LYPLAL1: variants seen among roughly 807,000 people sequenced by gnomAD.
LYPLAL1 encodes lysophospholipase-like protein 1.
LYPLAL1 carries 23 observed loss-of-function variants against 19.7 expected under a neutral mutation model. The observed-to-expected ratio is 1.17, with a 90% CI of 0.84 to 1.65. LYPLAL1 has a LOEUF of 1.65. LYPLAL1 is among the 40% of genes most tolerant of loss of function. LYPLAL1 has a pLI of 0.00. For synonymous variants in LYPLAL1, 119 were observed against 96.3 expected, an observed-to-expected ratio of 1.24 and a Z score of -1.38; for missense variants, 355 against 279.4, an observed-to-expected ratio of 1.27 and a Z score of -1.93.
At chr1:219,333,188 G>A in the LYPLAL1 span, among the ~76,000 whole-genome samples, 102 of 152,136 alleles carry the variant, frequency 6.7e-4, no homozygotes, top group Non-Finnish European at 1.3e-3. Context: ...TTTCAAGGAT[G>A]ACTAACTAGC....
chr1:219,181,931 C>G, intron 2 of LYPLAL1, among the ~76,000 whole-genome samples: 1 of 151,988 alleles, frequency 6.6e-6, no homozygotes, highest in East Asian at 1.9e-4. Context: ...AAATATCTTG[C>G]AGTATTTGCT....
the LYPLAL1 span, among the ~76,000 whole-genome samples, chr1:219,354,050 G>A: frequency 6.6e-6 from 1 of 152,172 alleles, no homozygotes; most frequent in Admixed American, 6.5e-5. Flanking sequence ...CATGGAAGTA[G>A]AAACAGTCCA....
the LYPLAL1 span, among the ~76,000 whole-genome samples, chr1:219,311,021 T>C: frequency 1.3e-5 from 2 of 152,238 alleles, no homozygotes; most frequent in African/African-American, 4.8e-5. Context: ...TCATTGTCTT[T>C]GGCTTATCCA....
At chr1:219,365,348 C>G in the LYPLAL1 span, among the ~76,000 whole-genome samples, 1 of 152,130 alleles carries the variant, frequency 6.6e-6, no homozygotes. Flanking sequence ...CTTCATATCT[C>G]AATGGTTTAG....
chr1:219,258,252 A>C, the LYPLAL1 span, among the ~76,000 whole-genome samples: 1 of 152,108 alleles, frequency 6.6e-6, no homozygotes, highest in African/African-American at 2.4e-5. Context: ...TAATGCAATC[A>C]TCACAGGGTC....
chr1:219,394,636 A>G, the LYPLAL1 span, among the ~76,000 whole-genome samples: 11 of 152,140 alleles, frequency 7.2e-5, no homozygotes, highest in African/African-American at 2.2e-4. Context: ...TCTTTCTTTT[A>G]GCTTTTATTT....
the LYPLAL1 span, among the ~76,000 whole-genome samples, chr1:219,218,786 A>C: frequency 7.2e-5 from 11 of 152,158 alleles, no homozygotes; most frequent in African/African-American, 2.7e-4. Flanking sequence ...CAATGAAATC[A>C]GTTCAATTTG....
In LYPLAL1 at chr1:219,173,904, C is replaced by A. The variant is rs1259903213; in HGVS notation, c.14C>A (p.Ser5Ter). 4.3e-6 allele frequency: 7 copies of A among 1,613,164 alleles called. No homozygotes were observed. Among genetic ancestry groups the A allele is most frequent in the East Asian group, 2.2e-5 (1 of 44,868 alleles). The change falls in exon 1 of 5, where the codon TCG becomes TAG. Residue 5 changes from serine (S) to a stop codon, truncating the protein, a stop_gained. Coordinates refer to ENST00000366928, the MANE Select transcript of LYPLAL1 (RefSeq NM_138794.5). LOFTEE classifies it high-confidence loss of function. ...GTGGCATCAGCGATGGCGGCTGCGT[C>A]GGGGTCGGTTCTGCAGCGCTGTATC... MAAA[S>*]GSVLQRCIVS...
the LYPLAL1 span, among the ~76,000 whole-genome samples, chr1:219,340,925 A>G: frequency 3.9e-5 from 6 of 152,058 alleles, no homozygotes; most frequent in African/African-American, 1.4e-4. Context: ...CTGATCTCCT[A>G]TCTGTTAAAG....
the LYPLAL1 span, among the ~76,000 whole-genome samples, chr1:219,439,015 T>C: frequency 2.6e-5 from 4 of 152,152 alleles, no homozygotes; most frequent in Admixed American, 2.6e-4. Flanking sequence ...TCCTGCACGT[T>C]CCTTCAACTT....
At chr1:219,302,447 G>A in the LYPLAL1 span, among the ~76,000 whole-genome samples, 18 of 152,122 alleles carry the variant, frequency 1.2e-4, no homozygotes, top group Non-Finnish European at 1.3e-4. Flanking sequence ...CAGCCCAGAA[G>A]CTCCTTATGT....
the LYPLAL1 span, among the ~76,000 whole-genome samples, chr1:219,429,843 A>G: frequency 1.3e-5 from 2 of 152,170 alleles, no homozygotes; most frequent in African/African-American, 4.8e-5. Context: ...ATTCAGTTGT[A>G]CATGAAGTAT....
the LYPLAL1 span, among the ~76,000 whole-genome samples, chr1:219,300,037 G>T: frequency 2.0e-5 from 3 of 151,926 alleles, no homozygotes; most frequent in Non-Finnish European, 1.5e-5. Flanking sequence ...GGAGTGCAGT[G>T]GTACAATCAC....
chr1:219,214,354 G>C (rs146866926), downstream of LYPLAL1, among the ~76,000 whole-genome samples: 1 of 152,050 alleles, frequency 6.6e-6, no homozygotes, highest in African/African-American at 2.4e-5. Context: ...TACTATCTTT[G>C]GTTTTGGTAT....
the LYPLAL1 span, among the ~76,000 whole-genome samples, chr1:219,365,675 C>T: frequency 1.3e-5 from 2 of 152,056 alleles, no homozygotes; most frequent in Non-Finnish European, 2.9e-5. Flanking sequence ...AACCAAAATT[C>T]CTTTTATGTT....
the LYPLAL1 span, among the ~76,000 whole-genome samples, chr1:219,419,679 G>T: frequency 6.6e-6 from 1 of 151,908 alleles, no homozygotes; most frequent in Non-Finnish European, 1.5e-5. Context: ...GGATGTTTAT[G>T]GCTGTTTCCC....
the LYPLAL1 span, among the ~76,000 whole-genome samples, chr1:219,230,650 T>C: frequency 6.6e-6 from 1 of 152,234 alleles, no homozygotes; most frequent in Non-Finnish European, 1.5e-5. Flanking sequence ...TATCCCCAAA[T>C]ATAACAATCT....
the LYPLAL1 span, among the ~76,000 whole-genome samples, chr1:219,326,038 C>G: frequency 2.0e-5 from 3 of 152,128 alleles, no homozygotes; most frequent in East Asian, 5.8e-4. Flanking sequence ...CTCAGCCTCC[C>G]GAGTAGCTGG....
the LYPLAL1 span, among the ~76,000 whole-genome samples, chr1:219,419,042 T>G: frequency 2.2e-4 from 34 of 152,220 alleles, no homozygotes; most frequent in African/African-American, 8.2e-4. Context: ...AGTTTATGTA[T>G]CCATTCACTT....
Sources: gnomAD v4.1 joint callset for allele counts (sites outside exome capture counted in the v4.1 genomes callset) on GRCh38, gnomAD v4.1.1 for gene constraint, MANE v1.5 for transcripts, NCBI Gene and HGNC (gene_info 2026-07-23, HGNC 2026-07-21) for gene names.